The following DENND4C variants were observed in gnomAD, a reference collection of about 807,000 sequenced individuals.
DENND4C encodes DENN domain-containing protein 4C.
In DENND4C, 108 loss-of-function variants were observed where a neutral mutation model predicts 203.0. The observed-to-expected ratio is 0.53, with a 90% confidence interval of 0.46 to 0.62. The LOEUF is 0.62. DENND4C is among the 20% of genes least tolerant of loss of function. DENND4C has a pLI of 0.00. For synonymous variants in DENND4C, 871 were observed against 792.4 expected (o/e 1.10, Z -1.67); for missense variants, 2,481 against 2,301.2 (o/e 1.08, Z -1.60).
At chr9:19,311,383 C>T (rs1840711727) in intron 10 of DENND4C, among the ~76,000 whole-genome samples, 1 of 152,150 alleles carries the variant, frequency 6.6e-6, no homozygotes, top group South Asian at 2.1e-4. Flanking sequence ...ACCTCGGCCT[C>T]CTAAAGTCCT....
chr9:19,263,273 C>A (rs539753757), intron 1 of DENND4C, among the ~76,000 whole-genome samples: 2 of 152,228 alleles, frequency 1.3e-5, no homozygotes, highest in South Asian at 4.1e-4. Context: ...TCCTTGTCTC[C>A]CTGGTTTAAA....
chr9:19,252,225 G>A (rs1222519910), intron 1 of DENND4C, among the ~76,000 whole-genome samples: 1 of 152,092 alleles, frequency 6.6e-6, no homozygotes, highest in Non-Finnish European at 1.5e-5. Flanking sequence ...GCTGGTGCAG[G>A]GAAACTCCCT....
intron 21 of DENND4C, 151 bp downstream of exon 21, chr9:19,341,265 T>C (rs1821567389): frequency 3.5e-6 from 2 of 565,556 alleles, no homozygotes; most frequent in Non-Finnish European, 5.6e-6. Flanking sequence ...AAGGTAGATT[T>C]TGGTAGTCTC....
chr9:19,343,720 G>GGAAGA (rs1298613837), intron 22 of DENND4C, among the ~76,000 whole-genome samples: 1 of 152,048 alleles, frequency 6.6e-6, no homozygotes, highest in Non-Finnish European at 1.5e-5. Context: ...GGAAAAGGAG[G>GGAAGA]GAAGAGTTTT....
Position 19,346,047 on chromosome 9 carries a change from G to C in DENND4C, c.3278G>C (p.Ser1093Thr). The C allele has an allele frequency of 6.2e-7, 1 of 1,614,138 alleles. No homozygotes were observed. Residue 1093 changes from serine to threonine, a missense_variant, in exon 23 of 33, where the codon AGT becomes ACT. Physicochemically the swap from Ser to Thr is moderately conservative, Grantham distance 58. Coordinates refer to ENST00000434457, the MANE Select transcript of DENND4C (RefSeq NM_001330640.2). ...EKRQKHFPER[S>T]CSFSSESRAG... ...AGACAAAAGCATTTTCCTGAGAGGA[G>C]TTGTAGTTTTAGTTCTGAAAGTCGA...
chr9:19,281,804 T>C (rs1160206227), intron 2 of DENND4C, among the ~76,000 whole-genome samples: 1 of 152,238 alleles, frequency 6.6e-6, no homozygotes, highest in Non-Finnish European at 1.5e-5. Context: ...AGCCTATTTT[T>C]CTTAGGCTGC....
intron 10 of DENND4C, among the ~76,000 whole-genome samples, chr9:19,305,937 C>G (rs1422643948): frequency 1.3e-5 from 2 of 152,118 alleles, no homozygotes; most frequent in Non-Finnish European, 2.9e-5. Context: ...TGATATTATA[C>G]CATTTGCTTA....
intron 1 of DENND4C, among the ~76,000 whole-genome samples, chr9:19,244,456 C>T (rs577985853): frequency 6.6e-6 from 1 of 151,922 alleles, no homozygotes; most frequent in East Asian, 1.9e-4. Context: ...AAGTAGTTGC[C>T]TTGGCCGGGC....
intron 15 of DENND4C, 99 bp downstream of exon 15, chr9:19,326,293 T>C (rs1817819967): frequency 3.1e-6 from 4 of 1,296,334 alleles, no homozygotes; most frequent in Non-Finnish European, 4.1e-6. Context: ...AAACTCATTT[T>C]CAGTATTAGT....
intron 5 of DENND4C, among the ~76,000 whole-genome samples, chr9:19,295,108 A>G (rs958383770): frequency 1.3e-5 from 2 of 152,342 alleles, no homozygotes; most frequent in Non-Finnish European, 2.9e-5. Flanking sequence ...GCAGTGGCTC[A>G]TGCCTATAAT....
Position 19,316,690 on chromosome 9 carries a change from A to G in DENND4C, c.1658A>G (p.Lys553Arg). 3.1e-6 allele frequency: 5 copies of G among 1,614,086 alleles called. No individual in the cohort carries two copies. Among genetic ancestry groups the G allele is most frequent in the Non-Finnish European group, 4.2e-6 (5 of 1,179,984 alleles). The change falls in exon 12 of 33, where the codon AAG (lysine) becomes AGG (arginine). Residue 553 changes from lysine (K) to arginine (R), a missense_variant. By Grantham distance (26) the Lys-to-Arg change is conservative (BLOSUM62 2). Coordinates refer to ENST00000434457, the MANE Select transcript of DENND4C (RefSeq NM_001330640.2). ...TPIEADFSWQ[K>R]KMTQLEMEIQ... is the part of the protein sequence containing the mutation. ...ATTGAAGCAGATTTCTCCTGGCAAA[A>G]GAAGATGACACAGCTTGAGATGGAA...
chr9:19,336,167 T>A, intron 18 of DENND4C, 103 bp from the exon 19 acceptor site: 1 of 860,854 alleles, frequency 1.2e-6, no homozygotes, highest in Non-Finnish European at 1.5e-6. Context: ...CTTTTTATAT[T>A]TGTGTATATA....
At position 19,347,038 on chromosome 9, in the gene DENND4C, T is replaced by G; in HGVS notation, c.4269T>G (p.Ser1423Arg). 1 of 1,614,068 alleles carries G rather than the reference T, an allele frequency of 6.2e-7. No homozygotes were observed. The highest frequency in any genetic ancestry group is 8.5e-7 in the Non-Finnish European group (1 of 1,180,028). Residue 1423 changes from serine (S) to arginine (R), a missense_variant, in exon 23 of 33, where the codon AGT (serine) becomes AGG (arginine). Transcript: ENST00000434457. ...SGMKQAATVA[S>R]KMWVAVASAY... ...TGAAACAAGCAGCGACAGTAGCCAG[T>G]AAGATGTGGGTAGCTGTTGCGTCTG...
chr9:19,296,218 T>A lies in DENND4C; in HGVS notation c.1012T>A (p.Ser338Thr), dbSNP rs1183408418. 1.2e-6 allele frequency: 2 copies of A among 1,612,088 alleles called. No homozygotes were observed. The highest frequency in any genetic ancestry group is 2.7e-5 in the African/African-American group (2 of 74,824). Reference protein sequence around the residue: ...FLMFIYKLSVSGPHPLPIEKH... With the variant: ...FLMFIYKLSVTGPHPLPIEKH... ...TATGTTTATCTACAAACTTTCTGTG[T>A]CTGGACCACATCCTCTTCCCATTGA... The change falls in exon 6 of 33, where the codon TCT (serine) becomes ACT (threonine). Residue 338 changes from serine to threonine, a missense_variant. By Grantham distance (58) the Ser-to-Thr change is moderately conservative. Around this residue, in one of 3 missense-constraint regions of DENND4C, gnomAD observed 2,289 missense variants for 2,113.3 expected, o/e 1.08. Transcript: ENST00000434457.
intron 1 of DENND4C, among the ~76,000 whole-genome samples, chr9:19,257,853 G>C (rs968122316): frequency 6.6e-6 from 1 of 152,210 alleles, no homozygotes; most frequent in Non-Finnish European, 1.5e-5. Flanking sequence ...ATAGGGGCTG[G>C]GCAAGGTGGC....
chr9:19,246,190 T>C (rs1452460052), intron 1 of DENND4C, among the ~76,000 whole-genome samples: 1 of 152,250 alleles, frequency 6.6e-6, no homozygotes, highest in East Asian at 1.9e-4. Context: ...TCTTCCTTCA[T>C]TGTAATCAAG....
intron 30 of DENND4C, among the ~76,000 whole-genome samples, chr9:19,362,217 T>C (rs1029748891): frequency 3.3e-5 from 5 of 152,158 alleles, no homozygotes; most frequent in African/African-American, 1.2e-4. Context: ...AAGGTTGCAA[T>C]GAGCTGAGAT....
At chr9:19,319,311 TAC>T (rs1282876455) in intron 12 of DENND4C, among the ~76,000 whole-genome samples, 4 of 91,902 alleles carry the variant, frequency 4.4e-5, no homozygotes, top group African/African-American at 1.0e-4. Context: ...TACACATATA[TAC>T]ACACATATAT....
chr9:19,252,523 G>A lies in DENND4C; in HGVS notation c.-18+21690G>A, dbSNP rs556894833. Among the ~76,000 whole-genome samples, 718 of 152,218 alleles carry A rather than the reference G, an allele frequency of 4.7e-3. 4 individuals carry two copies. Among genetic ancestry groups the A allele is most frequent in the Non-Finnish European group, 6.8e-3 (462 of 68,016 alleles). On this transcript the variant is annotated intron_variant, in intron 1 of 32. Coordinates refer to ENST00000434457, the MANE Select transcript of DENND4C (RefSeq NM_001330640.2). ...TTTGAGCCCAGGAGTCTAAGGCTGTGGTGAGCTATAATGGCACCACTCTAC... is the reference window on the plus strand; with the variant it reads ...TTTGAGCCCAGGAGTCTAAGGCTGTAGTGAGCTATAATGGCACCACTCTAC...
Sources: allele counts gnomAD v4.1 joint callset (sites outside exome capture counted in the v4.1 genomes callset), GRCh38; gene constraint gnomAD v4.1.1; regional missense constraint gnomAD v4.1.1; transcripts MANE v1.5; gene names NCBI Gene and HGNC (gene_info 2026-07-23, HGNC 2026-07-21).